The following SHE variants were observed in gnomAD, a reference collection of about 807,000 sequenced individuals.
SHE encodes the protein Src homology 2 domain containing E.
In SHE, 11 loss-of-function variants were observed where a neutral mutation model predicts 49.8. The observed-to-expected ratio is 0.22, with a 90% CI of 0.14 to 0.37. The LOEUF (loss-of-function observed/expected upper bound fraction) is 0.37, where lower values mean the gene tolerates loss of function less well. Ranked by LOEUF, SHE falls within the 10% of genes least tolerant of loss-of-function variation. The probability of loss-of-function intolerance (pLI) is 1.00; values close to 1 mark genes in which losing one functional copy is unlikely to be tolerated. For synonymous variants in SHE, 310 were observed against 278.1 expected, an observed-to-expected ratio of 1.11 and a Z score of -1.14; for missense variants, 624 against 655.5, an observed-to-expected ratio of 0.95 and a Z score of 0.52.
At position 154,487,244 on chromosome 1, in the gene SHE, C is replaced by T. The variant is rs1405556989; in HGVS notation, c.1025-561G>A. 2.7e-5 allele frequency among the ~76,000 whole-genome samples: 4 copies of T among 150,546 alleles called. No individual in the cohort carries two copies. In the East Asian group the frequency reaches 7.8e-4, roughly 29 times the overall value. Reference sequence around the variant, plus strand: ...CCAAGATTGCGCCACGGCACTCCACCCTGGCGACAGGGTGAGACTCCGTCT... The same window carrying T: ...CCAAGATTGCGCCACGGCACTCCACTCTGGCGACAGGGTGAGACTCCGTCT... On this transcript the variant is annotated intron_variant, in intron 3 of 5. Coordinates refer to ENST00000304760, the MANE Select transcript of SHE (RefSeq NM_001010846.3).
chr1:154,489,788 CT>C (rs1399995395), intron 2 of SHE, among the ~76,000 whole-genome samples: 1 of 152,218 alleles, frequency 6.6e-6, no homozygotes, highest in African/African-American at 2.4e-5. Context: ...ATAAAATCGA[CT>C]GCAAGTCAAA....
intron 4 of SHE, 114 bp from the exon 5 acceptor site, chr1:154,486,176 A>G: frequency 2.9e-6 from 4 of 1,370,512 alleles, no homozygotes; most frequent in Non-Finnish European, 4.0e-6. Flanking sequence ...GAGACGCAAC[A>G]GCCTGAACTA....
Position 154,482,405 on chromosome 1 carries a change from G to A in SHE, c.*1744C>T. 1 of 985,310 alleles carries A rather than the reference G, an allele frequency of 1.0e-6. No homozygotes were observed. The highest frequency in any genetic ancestry group is 1.2e-6 in the Non-Finnish European group (1 of 829,878). 61.0% of individuals were successfully genotyped at this position (985,310 alleles called of 1,614,324 possible). A position where few individuals can be genotyped will look rare whatever the true frequency, so the allele number is the denominator to read the frequency against. ...AAAGATCACACAACCTTTTGGCTGAGATCTTATCTGAATAAAGAAGCAAAA... is the reference window on the plus strand; with the variant it reads ...AAAGATCACACAACCTTTTGGCTGAAATCTTATCTGAATAAAGAAGCAAAA... On this transcript the variant is annotated 3_prime_UTR_variant, in exon 6 of 6. Coordinates refer to ENST00000304760, the MANE Select transcript of SHE (RefSeq NM_001010846.3).
Position 154,499,137 on chromosome 1 carries a change from T to TG in SHE, c.692dup (p.Tyr232IlefsTer2). The TG allele has an allele frequency of 6.2e-7, 1 of 1,614,228 alleles. No individual in the cohort carries two copies. Among genetic ancestry groups the TG allele is most frequent in the Non-Finnish European group, 8.5e-7 (1 of 1,180,030 alleles). On this transcript the variant is annotated frameshift_variant, in exon 2 of 6. Transcript: ENST00000304760. LOFTEE classifies it high-confidence loss of function. ...CTGTTATCATTTGCTGTGCATCATA[T>TG]GGTTCCATGTAACCGTCGTTCTCTC...
intron 4 of SHE, 113 bp from the exon 5 acceptor site, chr1:154,486,175 CAGCCTGAA>C: frequency 1.4e-6 from 2 of 1,398,204 alleles, no homozygotes; most frequent in Non-Finnish European, 2.0e-6. Flanking sequence ...AGAGACGCAA[CAGCCTGAA>C]CTAGATCCTG....
At chr1:154,484,378 G>C (rs1692107386) in intron 5 of SHE, 43 bp from the exon 6 acceptor site, 22 of 1,552,274 alleles carry the variant, frequency 1.4e-5, no homozygotes, top group Non-Finnish European at 1.9e-5. Flanking sequence ...AGTGGGCAGA[G>C]GATCCCTCCC....
At chr1:154,490,949 A>ACTAG (rs1162385400) in intron 2 of SHE, among the ~76,000 whole-genome samples, 1 of 152,206 alleles carries the variant, frequency 6.6e-6, no homozygotes, top group African/African-American at 2.4e-5. Context: ...CCAACCAACC[A>ACTAG]CTAGCTATCT....
In SHE at chr1:154,483,984, C is replaced by CGA; in HGVS notation, c.*163_*164dup. 7.1e-7 allele frequency: 1 copy of CGA among 1,415,100 alleles called. No individual in the cohort carries two copies. 87.7% of individuals were successfully genotyped at this position (1,415,100 alleles called of 1,614,324 possible). On this transcript the variant is annotated 3_prime_UTR_variant, in exon 6 of 6. Transcript: ENST00000304760. ...TTGCACTCCAGCCTGGGCAACACAG[C>CGA]GAGACTTCGTCTCAAACAAAACAAA...
chr1:154,500,959 G>A (rs1692705473), intron 1 of SHE, among the ~76,000 whole-genome samples: 1 of 152,172 alleles, frequency 6.6e-6, no homozygotes. Flanking sequence ...CGCAGAAAAT[G>A]ATGGAACTTC....
chr1:154,482,540 G>A lies in SHE; in HGVS notation c.*1609C>T. 3 of 985,396 alleles carry A rather than the reference G, an allele frequency of 3.0e-6. No homozygotes were observed. The highest frequency in any genetic ancestry group is 3.6e-6 in the Non-Finnish European group (3 of 829,930). 61.0% of individuals were successfully genotyped at this position (985,396 alleles called of 1,614,324 possible). ...TTTGTGTGTATTTATAAGCTACAAAGGTTAACTTTTCATTGATGACAGTCA... is the reference window on the plus strand; with the variant it reads ...TTTGTGTGTATTTATAAGCTACAAAAGTTAACTTTTCATTGATGACAGTCA... On this transcript the variant is annotated 3_prime_UTR_variant, in exon 6 of 6. Transcript: ENST00000304760.
chr1:154,476,812 T>C (rs1691887849), downstream of SHE, among the ~76,000 whole-genome samples: 2 of 152,208 alleles, frequency 1.3e-5, no homozygotes, highest in Non-Finnish European at 2.9e-5. Flanking sequence ...CATCAAGTAA[T>C]AATTTATCTT....
chr1:154,479,419 GA>G, downstream of SHE: 1 of 812,022 alleles, frequency 1.2e-6, no homozygotes, highest in African/African-American at 1.9e-5. Flanking sequence ...CTTACCATGG[GA>G]AGTATTTTTC....
At position 154,481,115 on chromosome 1, in the gene SHE, A is replaced by T. The variant is rs1161076963; in HGVS notation, c.*3034T>A. On this transcript the variant is annotated 3_prime_UTR_variant, in exon 6 of 6. Coordinates refer to ENST00000304760, the MANE Select transcript of SHE (RefSeq NM_001010846.3). ...CCAGAGCATTCAGAGCTCAGAGAAC[A>T]TGTCACAGAGCTTCAGATCAGCTGG... 1.0e-6 allele frequency: 1 copy of T among 985,352 alleles called. No homozygotes were observed. The highest frequency in any genetic ancestry group is 1.2e-6 in the Non-Finnish European group (1 of 829,950). The allele number at this position is 985,352 out of a possible 1,614,324, so 61.0% of individuals were successfully genotyped here.
intron 1 of SHE, among the ~76,000 whole-genome samples, chr1:154,473,552 C>T (rs1050234959): frequency 1.3e-4 from 19 of 151,976 alleles, no homozygotes; most frequent in African/African-American, 3.9e-4. Context: ...CTTGTAATCC[C>T]GGCACTTTGG....
At chr1:154,495,216 G>A (rs1460048276) in intron 2 of SHE, among the ~76,000 whole-genome samples, 1 of 152,318 alleles carries the variant, frequency 6.6e-6, no homozygotes, top group Non-Finnish European at 1.5e-5. Context: ...AGACCTGTCC[G>A]ATGCTAATGT....
At chr1:154,492,584 T>C (rs569173005) in intron 2 of SHE, among the ~76,000 whole-genome samples, 1 of 152,312 alleles carries the variant, frequency 6.6e-6, no homozygotes, top group East Asian at 1.9e-4. Flanking sequence ...CTCTCAGTCC[T>C]ACAGTTTTTC....
chr1:154,480,213 G>C lies in SHE; in HGVS notation c.*3936C>G, dbSNP rs1184088362. On this transcript the variant is annotated 3_prime_UTR_variant, in exon 6 of 6. Transcript: ENST00000304760. ...GTTATGGAAAAATAGGAGACAACTA[G>C]TGAACGAGAGATCTGTGAAGGGTTT... The C allele has an allele frequency of 1.0e-6, 1 of 985,360 alleles. No homozygotes were observed. The highest frequency in any genetic ancestry group is 1.2e-6 in the Non-Finnish European group (1 of 829,968). The allele number at this position is 985,360 out of a possible 1,614,324, so 61.0% of individuals were successfully genotyped here. A position where few individuals can be genotyped will look rare whatever the true frequency, so the allele number is the denominator to read the frequency against.
intron 1 of SHE, among the ~76,000 whole-genome samples, chr1:154,472,628 G>A (rs79480105): frequency 0.026 from 3,922 of 152,254 alleles, 78 homozygotes; most frequent in Non-Finnish European, 0.04. Flanking sequence ...CCTTTGACCC[G>A]GGCAATCACA....
chr1:154,489,421 C>A, intron 2 of SHE, 65 bp from the exon 3 acceptor site: 1 of 1,551,186 alleles, frequency 6.4e-7, no homozygotes, highest in Non-Finnish European at 8.7e-7. Context: ...GCAAAGATGC[C>A]ATAAAAGCCT....
Sources: gnomAD v4.1 joint callset for allele counts (sites outside exome capture counted in the v4.1 genomes callset) on GRCh38, gnomAD v4.1.1 for gene constraint, MANE v1.5 for transcripts, NCBI Gene and HGNC (gene_info 2026-07-23, HGNC 2026-07-21) for gene names.